Variants in TUBD1 observed in about 807,000 individuals in gnomAD.
TUBD1 encodes the protein tubulin delta chain.
In TUBD1, 38 loss-of-function variants were observed where a neutral mutation model predicts 51.2. The observed-to-expected ratio is 0.74, with a 90% CI of 0.57 to 0.97. The LOEUF is 0.97. TUBD1 is among the 50% of genes least tolerant of loss of function. The pLI is 0.00. For synonymous variants in TUBD1, 169 were observed against 178.2 expected (o/e 0.95, Z 0.41); for missense variants, 489 against 538.4 (o/e 0.91, Z 0.91).
chr17:59,885,198 T>C, intron 3 of TUBD1: 5 of 436,658 alleles, frequency 1.1e-5, no homozygotes, highest in South Asian at 7.4e-5. Flanking sequence ...TGTGGGAGAC[T>C]ACGAGCCTTA....
At chr17:59,870,872 C>T (rs781187023) in intron 6 of TUBD1, among the ~76,000 whole-genome samples, 1 of 152,226 alleles carries the variant, frequency 6.6e-6, no homozygotes, top group Non-Finnish European at 1.5e-5. Context: ...CAAATAATCA[C>T]TGAGCGTTTA....
intron 1 of TUBD1, among the ~76,000 whole-genome samples, chr17:59,892,457 A>T (rs1451629371): frequency 1.3e-5 from 2 of 152,202 alleles, no homozygotes; most frequent in Non-Finnish European, 2.9e-5. Flanking sequence ...GTTTTGATAA[A>T]GACTTCACAT....
chr17:59,890,517 C>T (rs375354979), intron 2 of TUBD1, among the ~76,000 whole-genome samples: 2 of 152,292 alleles, frequency 1.3e-5, no homozygotes, highest in East Asian at 1.9e-4. Flanking sequence ...GCTGGGATTA[C>T]AGGCGTGAGC....
At chr17:59,886,420 C>A in intron 2 of TUBD1, 190 bp from the exon 3 acceptor site, 1 of 568,938 alleles carries the variant, frequency 1.8e-6, no homozygotes, top group Non-Finnish European at 3.0e-6. Flanking sequence ...AGATGTTCAC[C>A]AAGCCCAGCA....
intron 3 of TUBD1, chr17:59,885,361 C>A: frequency 1.3e-6 from 1 of 752,096 alleles, no homozygotes; most frequent in Non-Finnish European, 2.4e-6. Context: ...GTCCCCCACA[C>A]CTGTTTCTTG....
At chr17:59,862,886 G>A (rs545233535) in intron 8 of TUBD1, among the ~76,000 whole-genome samples, 25 of 151,650 alleles carry the variant, frequency 1.6e-4, no homozygotes, top group Non-Finnish European at 2.9e-4. Context: ...TACCACGCCC[G>A]GCTAATTTTT....
At chr17:59,878,511 T>G in intron 4 of TUBD1, 177 bp from the exon 5 acceptor site, 1 of 534,700 alleles carries the variant, frequency 1.9e-6, no homozygotes. Context: ...TTTTTTGAGA[T>G]AGAGACTCTG....
At chr17:59,889,682 A>AAAAAAAG (rs2040903865) in intron 2 of TUBD1, among the ~76,000 whole-genome samples, 2 of 150,222 alleles carry the variant, frequency 1.3e-5, no homozygotes, top group Admixed American at 1.3e-4. Flanking sequence ...AAAAAAAAAA[A>AAAAAAAG]AAAAAGAAAA....
At position 59,880,913 on chromosome 17, in the gene TUBD1, CA is replaced by C; in HGVS notation, c.517del (p.Trp173GlyfsTer17). On this transcript the variant is annotated frameshift_variant, in exon 4 of 9. Coordinates refer to ENST00000325752, the MANE Select transcript of TUBD1 (RefSeq NM_016261.4). LOFTEE classifies it high-confidence loss of function. ...CCATACCTCACCAGTTCCATAAGGC[CA>C]AATAATCTGATTCATTTTCAATGAG... ...SNSLKMNQII[W>X]PYGTGEVIVQ... The C allele has an allele frequency of 6.2e-7, 1 of 1,613,954 alleles. No individual in the cohort carries two copies. Among genetic ancestry groups the C allele is most frequent in the Non-Finnish European group, 8.5e-7 (1 of 1,179,934 alleles).
At chr17:59,873,727 T>G (rs2040101162) in intron 6 of TUBD1, among the ~76,000 whole-genome samples, 1 of 151,730 alleles carries the variant, frequency 6.6e-6, no homozygotes, top group Admixed American at 6.6e-5. Context: ...TAGCCAGGCA[T>G]GGTAGCACAC....
At chr17:59,889,653 A>AG (rs2040898604) in intron 2 of TUBD1, among the ~76,000 whole-genome samples, 1 of 136,188 alleles carries the variant, frequency 7.3e-6, no homozygotes, top group Non-Finnish European at 1.5e-5. Context: ...TGGGTGACAG[A>AG]GCTAGACTCT....
At chr17:59,869,605 C>A (rs543037828) in intron 6 of TUBD1, among the ~76,000 whole-genome samples, 2 of 152,098 alleles carry the variant, frequency 1.3e-5, no homozygotes, top group African/African-American at 4.8e-5. Flanking sequence ...CTCTAAGGAA[C>A]ATTGTGTTCC....
intron 6 of TUBD1, among the ~76,000 whole-genome samples, chr17:59,872,999 G>A (rs541974695): frequency 1.4e-4 from 21 of 152,008 alleles, no homozygotes; most frequent in Non-Finnish European, 2.8e-4. Context: ...CTGACCTCAG[G>A]TGATCCACCC....
chr17:59,885,277 T>A, intron 3 of TUBD1: 1 of 581,848 alleles, frequency 1.7e-6, no homozygotes, highest in South Asian at 1.6e-5. Flanking sequence ...ATGGTATAGC[T>A]GGGACCAGCT....
intron 6 of TUBD1, among the ~76,000 whole-genome samples, chr17:59,871,658 C>T (rs972391355): frequency 3.3e-5 from 5 of 152,016 alleles, no homozygotes; most frequent in Non-Finnish European, 5.9e-5. Flanking sequence ...GCAGAGATGC[C>T]AGGGCTGGCT....
chr17:59,888,266 T>C (rs1313554358), intron 2 of TUBD1, among the ~76,000 whole-genome samples: 1 of 152,048 alleles, frequency 6.6e-6, no homozygotes, highest in Admixed American at 6.6e-5. Flanking sequence ...GTACGGAGGA[T>C]GGATGTGATA....
At chr17:59,862,575 T>C (rs1218406169) in intron 8 of TUBD1, among the ~76,000 whole-genome samples, 1 of 151,194 alleles carries the variant, frequency 6.6e-6, no homozygotes, top group South Asian at 2.1e-4. Flanking sequence ...GTCTCGCTCT[T>C]GTTGCCCAGG....
intron 1 of TUBD1, chr17:59,891,999 AAAAAC>A (rs1011384653): frequency 8.5e-5 from 13 of 152,254 alleles, no homozygotes; most frequent in African/African-American, 3.1e-4. Flanking sequence ...TTAAAAAAAT[AAAAAC>A]AAGACAAAAC....
Position 59,892,742 on chromosome 17 carries a change from A to T in TUBD1, c.-85T>A, listed in dbSNP as rs2041182462. On this transcript the variant is annotated 5_prime_UTR_variant, in exon 1 of 9. An upstream open reading frame in the 5' UTR gains an earlier in-frame stop. Transcript: ENST00000325752. ...TTCTGTCCGGTTCAAACTTCGGACC[A>T]ACCTACTCACCATGCGCATGCTCAC... is the stretch of plus-strand genomic sequence containing the variant. 1 of 165,162 alleles carries T rather than the reference A, an allele frequency of 6.1e-6. No individual in the cohort carries two copies. The highest frequency in any genetic ancestry group is 2.4e-5 in the African/African-American group (1 of 41,784). The allele number at this position is 165,162 out of a possible 1,614,324, so 10.2% of individuals were successfully genotyped here.
Sources: allele counts gnomAD v4.1 joint callset (sites outside exome capture counted in the v4.1 genomes callset), GRCh38; gene constraint gnomAD v4.1.1; transcripts MANE v1.5; gene names NCBI Gene and HGNC (gene_info 2026-07-23, HGNC 2026-07-21).